Variants in ZNF697 observed in about 807,000 individuals in gnomAD.
ZNF697 encodes zinc finger protein 697.
In ZNF697, 23 loss-of-function variants were observed where a neutral mutation model predicts 32.4. The observed-to-expected ratio is 0.71, with a 90% CI of 0.51 to 1.01. The LOEUF is 1.01. Ranked by LOEUF, ZNF697 falls within the 50% of genes least tolerant of loss-of-function variation. The pLI is 0.00. For missense variants in ZNF697, 930 were observed against 794.0 expected, an observed-to-expected ratio of 1.17 and a Z score of -2.06; for synonymous variants, 418 against 337.2, an observed-to-expected ratio of 1.24 and a Z score of -2.62.
At chr1:119,639,204 C>T (rs1308042162) in intron 1 of ZNF697, among the ~76,000 whole-genome samples, 3 of 152,212 alleles carry the variant, frequency 2.0e-5, no homozygotes, top group Admixed American at 6.5e-5. Context: ...ATCCCTCACC[C>T]CTTTCAATCA....
intron 1 of ZNF697, among the ~76,000 whole-genome samples, chr1:119,626,487 G>T (rs1481018137): frequency 6.6e-6 from 1 of 152,172 alleles, no homozygotes; most frequent in Non-Finnish European, 1.5e-5. Flanking sequence ...AAAAGAAGAG[G>T]CCACTAGCCC....
rs1310736539 is a variant in ZNF697 at position 119,623,660 on chromosome 1, G to A, written c.683C>T (p.Ala228Val). 1 of 1,093,730 alleles carries A rather than the reference G, an allele frequency of 9.1e-7. No individual in the cohort carries two copies. The highest frequency in any genetic ancestry group is 1.3e-5 in the South Asian group (1 of 75,400). 67.8% of individuals were successfully genotyped at this position (1,093,730 alleles called of 1,614,324 possible). Residue 228 changes from alanine (A) to valine (V), a missense_variant, in exon 3 of 3, where the codon GCG (alanine) becomes GTG (valine). Ala to Val is a moderately conservative substitution (Grantham distance 64). Transcript: ENST00000421812. ...GCCCACCATCGCGTCGCACTCGCCC[G>A]CCAGGCCGAAGGGCTCCAGGCTGGC... ...AAASLEPFGL[A>V]GECDAMVGMM...
At chr1:119,642,229 A>G (rs1443685912) in intron 1 of ZNF697, among the ~76,000 whole-genome samples, 1 of 152,252 alleles carries the variant, frequency 6.6e-6, no homozygotes, top group African/African-American at 2.4e-5. Context: ...GGAAGGATAA[A>G]TAAGTGCAGC....
rs1398095765 is a variant in ZNF697 at position 119,623,482 on chromosome 1, C to T, written c.861G>A (p.Arg287=). The part of the protein sequence containing the change: ...TNHLRLHTGE[R]PNLCADCGKS... ...TGCCGCAGTCGGCGCACAGGTTGGG[C>T]CGCTCGCCCGTGTGCAGGCGCAGGT... Residue 287 remains arginine (R), a synonymous_variant, in exon 3 of 3, where the codon CGG becomes CGA. Transcript: ENST00000421812. The T allele has an allele frequency of 1.3e-6, 2 of 1,568,708 alleles. No homozygotes were observed. Among genetic ancestry groups the T allele is most frequent in the Non-Finnish European group, 1.7e-6 (2 of 1,158,848 alleles).
rs374154556 is a variant in ZNF697, at chr1:119,625,942, C to T, written c.159G>A (p.Pro53=). 180 of 1,613,818 alleles carry T rather than the reference C, an allele frequency of 1.1e-4. No homozygotes were observed. The highest frequency in any genetic ancestry group is 1.4e-4 in the Non-Finnish European group (163 of 1,179,804). ...PHDTNKREGH[P]EPEMGSNPQD... Reference sequence around the variant, plus strand: ...GTGGGTTGGAGCCCATCTCCGGCTCCGGATGGCCTTCTCTCTTGTTTGTGT... The same window carrying T: ...GTGGGTTGGAGCCCATCTCCGGCTCTGGATGGCCTTCTCTCTTGTTTGTGT... The change falls in exon 2 of 3, where the codon CCG becomes CCA. Residue 53 remains proline, a synonymous_variant. Coordinates refer to ENST00000421812, the MANE Select transcript of ZNF697 (RefSeq NM_001080470.2).
At chr1:119,628,496 A>T (rs1648665665) in intron 1 of ZNF697, among the ~76,000 whole-genome samples, 1 of 152,194 alleles carries the variant, frequency 6.6e-6, no homozygotes, top group African/African-American at 2.4e-5. Flanking sequence ...TGAAAAGTTC[A>T]CAGTGCTGCC....
At chr1:119,635,127 G>T (rs1648885551) in intron 1 of ZNF697, among the ~76,000 whole-genome samples, 1 of 152,086 alleles carries the variant, frequency 6.6e-6, no homozygotes, top group African/African-American at 2.4e-5. Context: ...TTACTAGAAA[G>T]CTTATAAAAA....
intron 1 of ZNF697, among the ~76,000 whole-genome samples, chr1:119,631,610 G>A (rs1648776944): frequency 6.6e-6 from 1 of 151,954 alleles, no homozygotes; most frequent in Admixed American, 6.5e-5. Context: ...CTTGGGCCCC[G>A]CCTGGGCCCC....
chr1:119,646,178 G>A (rs1269893480), intron 1 of ZNF697, among the ~76,000 whole-genome samples: 3 of 152,080 alleles, frequency 2.0e-5, no homozygotes, highest in Non-Finnish European at 4.4e-5. Context: ...GTTCTGAAAA[G>A]CCATCTATGT....
intron 1 of ZNF697, among the ~76,000 whole-genome samples, chr1:119,646,359 A>ACACACG (rs1649204513): frequency 6.6e-6 from 1 of 150,776 alleles, no homozygotes; most frequent in South Asian, 2.1e-4. Flanking sequence ...ACACACACAC[A>ACACACG]CACACGGCCA....
rs768353871 is a variant in ZNF697, at chr1:119,625,915, C to T, written c.186G>A (p.Gln62=). Residue 62 remains glutamine (Q), a synonymous_variant, in exon 2 of 3, where the codon CAG becomes CAA. Transcript: ENST00000421812. ...GCACTGCTTCCCTGTGCCTTGAGTC[C>T]TGTGGGTTGGAGCCCATCTCCGGCT... ...HPEPEMGSNP[Q]DSRHREAVPD... The T allele has an allele frequency of 1.8e-5, 29 of 1,614,002 alleles. No individual in the cohort carries two copies. The highest frequency in any genetic ancestry group is 2.3e-5 in the Non-Finnish European group (27 of 1,179,882).
chr1:119,645,783 G>A (rs202180216), intron 1 of ZNF697, among the ~76,000 whole-genome samples: 4,974 of 151,902 alleles, frequency 0.033, 262 homozygotes, highest in African/African-American at 0.11. Flanking sequence ...TGAAAGAAAA[G>A]AAAAAAGAAG....
At chr1:119,639,927 C>A (rs587674521) in intron 1 of ZNF697, among the ~76,000 whole-genome samples, 1 of 152,286 alleles carries the variant, frequency 6.6e-6, no homozygotes, top group Admixed American at 6.5e-5. Context: ...AGCTGTTAGC[C>A]TTAAGCAAAT....
intron 1 of ZNF697, among the ~76,000 whole-genome samples, chr1:119,627,713 A>G (rs897800423): frequency 2.0e-5 from 3 of 152,172 alleles, no homozygotes; most frequent in Non-Finnish European, 4.4e-5. Flanking sequence ...GTCTTCGGAT[A>G]TGGCTGTGTC....
chr1:119,626,658 G>A (rs1258012720), intron 1 of ZNF697, among the ~76,000 whole-genome samples: 1 of 152,210 alleles, frequency 6.6e-6, no homozygotes, highest in Non-Finnish European at 1.5e-5. Flanking sequence ...AATTTAAGGA[G>A]CCAGAGGAAA....
Position 119,623,882 on chromosome 1 carries a change from C to A in ZNF697, c.461G>T (p.Arg154Leu). 6.5e-7 allele frequency: 1 copy of A among 1,543,732 alleles called. No individual in the cohort carries two copies. ...GCGGCGGTGGGCGGGCTTGTCACCT[C>A]GGTGCCGACTCCCCAGGGAGAGATG... Reference protein sequence around the residue: ...RRHLSLGSRHRGDKPAHRRFH... With the variant: ...RRHLSLGSRHLGDKPAHRRFH... Residue 154 changes from arginine (R) to leucine (L), a missense_variant, in exon 3 of 3, where the codon CGA becomes CTA. By Grantham distance (102) the Arg-to-Leu change is moderately radical. Coordinates refer to ENST00000421812, the MANE Select transcript of ZNF697 (RefSeq NM_001080470.2).
At chr1:119,633,315 G>A (rs1227298392) in intron 1 of ZNF697, among the ~76,000 whole-genome samples, 1 of 151,328 alleles carries the variant, frequency 6.6e-6, no homozygotes, top group Non-Finnish European at 1.5e-5. Context: ...TTTTGTTTTT[G>A]CACACTGATT....
intron 1 of ZNF697, among the ~76,000 whole-genome samples, chr1:119,636,177 C>T (rs1040667081): frequency 2.6e-5 from 4 of 152,134 alleles, no homozygotes; most frequent in African/African-American, 9.7e-5. Flanking sequence ...AGCAACAGTA[C>T]TACACAAACT....
chr1:119,623,757 C>A lies in ZNF697; in HGVS notation c.586G>T (p.Glu196Ter). The A allele has an allele frequency of 6.5e-7, 1 of 1,541,672 alleles. No homozygotes were observed. Among genetic ancestry groups the A allele is most frequent in the African/African-American group, 1.4e-5 (1 of 73,044 alleles). The change falls in exon 3 of 3, where the codon GAG (glutamate) becomes TAG (stop). Residue 196 changes from glutamate to a stop codon, truncating the protein, a stop_gained. Transcript: ENST00000421812. LOFTEE classifies it high-confidence loss of function. The part of the protein sequence containing the change: ...DAPTICPDCG[E>*]SFSPGAAFLQ... Reference sequence around the variant, plus strand: ...AAGGCGGCGCCAGGACTGAAGCTCTCCCCGCAGTCGGGGCAGATGGTGGGC... The same window carrying A: ...AAGGCGGCGCCAGGACTGAAGCTCTACCCGCAGTCGGGGCAGATGGTGGGC...
Sources: allele counts gnomAD v4.1 joint callset (sites outside exome capture counted in the v4.1 genomes callset), GRCh38; gene constraint gnomAD v4.1.1; transcripts MANE v1.5; gene names NCBI Gene and HGNC (gene_info 2026-07-23, HGNC 2026-07-21).